The following MEGF11 variants were observed in gnomAD, a reference collection of about 807,000 sequenced individuals.
MEGF11 encodes the protein multiple epidermal growth factor-like domains protein 11.
Under a neutral mutation model 146.6 loss-of-function variants are expected in MEGF11, and 126 were observed. The observed-to-expected ratio is 0.86, with a 90% CI of 0.74 to 1.00. The LOEUF (loss-of-function observed/expected upper bound fraction) is 1.00, where lower values mean the gene tolerates loss of function less well. MEGF11 is among the 50% of genes least tolerant of loss of function. The probability of loss-of-function intolerance (pLI) is 0.00; values close to 1 mark genes in which losing one functional copy is unlikely to be tolerated. For missense variants in MEGF11, 1,509 were observed against 1,521.2 expected (o/e 0.99, Z 0.13); for synonymous variants, 532 against 583.4 (o/e 0.91, Z 1.27).
At chr15:66,160,101 G>A (rs1426166406) in intron 1 of MEGF11, among the ~76,000 whole-genome samples, 1 of 152,164 alleles carries the variant, frequency 6.6e-6, no homozygotes, top group African/African-American at 2.4e-5. Context: ...AGCCCCAAAG[G>A]CTGAGTTAAG....
intron 5 of MEGF11, among the ~76,000 whole-genome samples, chr15:66,084,032 A>C (rs1036650830): frequency 5.9e-5 from 9 of 152,236 alleles, no homozygotes; most frequent in Non-Finnish European, 1.3e-4. Context: ...AACCATAGGG[A>C]TATGCTCTGA....
intron 1 of MEGF11, among the ~76,000 whole-genome samples, chr15:66,206,118 G>T (rs930431070): frequency 5.3e-5 from 8 of 152,092 alleles, no homozygotes; most frequent in Non-Finnish European, 8.8e-5. Context: ...AGGACAAAAT[G>T]GAAAAACATA....
intron 5 of MEGF11, among the ~76,000 whole-genome samples, chr15:66,058,448 G>C (rs962495983): frequency 6.6e-6 from 1 of 152,206 alleles, no homozygotes; most frequent in Non-Finnish European, 1.5e-5. Flanking sequence ...GCCAGGAGCT[G>C]AGGAGGCAGT....
intron 1 of MEGF11, among the ~76,000 whole-genome samples, chr15:66,222,678 G>C (rs1010476933): frequency 2.0e-5 from 3 of 152,158 alleles, no homozygotes; most frequent in African/African-American, 7.2e-5. Context: ...ATGAGCAAAG[G>C]ATCTGAATAG....
chr15:65,946,108 C>A (rs2080181935), intron 10 of MEGF11, among the ~76,000 whole-genome samples: 1 of 152,208 alleles, frequency 6.6e-6, no homozygotes, highest in Admixed American at 6.5e-5. Flanking sequence ...GCTATAGATG[C>A]TTTCAGCGTT....
In MEGF11 at chr15:65,909,113, G is replaced by C. The variant is rs1298390119; in HGVS notation, c.2919C>G (p.Ala973=). The change falls in exon 23 of 26, where the codon GCC becomes GCG. Residue 973 remains alanine (A), a synonymous_variant. Coordinates refer to ENST00000395614, the MANE Select transcript of MEGF11 (RefSeq NM_001385028.1). Reference sequence around the variant, plus strand: ...CCTCGGGCGGGTACCTGGCCTCCAGGGCACTGATCTGGAAATGGGAGTCTA... The same window carrying C: ...CCTCGGGCGGGTACCTGGCCTCCAGCGCACTGATCTGGAAATGGGAGTCTA... ...NVLDSHFQIS[A]LEARYPPEDF... 4.6e-6 allele frequency: 7 copies of C among 1,535,176 alleles called. No individual in the cohort carries two copies. The highest frequency in any genetic ancestry group is 6.1e-6 in the Non-Finnish European group (7 of 1,146,162).
intron 7 of MEGF11, chr15:65,970,966 C>G: frequency 2.1e-6 from 1 of 465,442 alleles, no homozygotes; most frequent in African/African-American, 1.9e-5. Context: ...TTCCTGTCCT[C>G]CTAGTCTACC....
At chr15:66,097,625 C>T (rs974198896) in intron 4 of MEGF11, among the ~76,000 whole-genome samples, 3 of 152,066 alleles carry the variant, frequency 2.0e-5, no homozygotes, top group Non-Finnish European at 2.9e-5. Context: ...GTGATGGGGC[C>T]AGCCACTCAC....
intron 1 of MEGF11, among the ~76,000 whole-genome samples, chr15:66,137,227 A>G (rs186720140): frequency 2.7e-4 from 41 of 152,318 alleles, no homozygotes; most frequent in African/African-American, 9.4e-4. Context: ...GAAGGGATGG[A>G]AGATTTGTGC....
chr15:65,907,807 C>T (rs2078675153), intron 23 of MEGF11, among the ~76,000 whole-genome samples: 1 of 152,252 alleles, frequency 6.6e-6, no homozygotes. Flanking sequence ...TCCAAAACCA[C>T]ACTAGCAAGT....
intron 10 of MEGF11, among the ~76,000 whole-genome samples, chr15:65,936,953 C>T (rs772045518): frequency 1.2e-4 from 18 of 152,310 alleles, no homozygotes; most frequent in Non-Finnish European, 1.5e-4. Flanking sequence ...TGCTTCCATG[C>T]CTCACCCCAT....
chr15:66,075,013 G>A (rs1188972904), intron 5 of MEGF11, among the ~76,000 whole-genome samples: 1 of 152,126 alleles, frequency 6.6e-6, no homozygotes, highest in Non-Finnish European at 1.5e-5. Flanking sequence ...TTGATTTGTA[G>A]GATTAAAAAT....
At position 66,101,580 on chromosome 15, in the gene MEGF11, CT is replaced by C. The variant is rs559644727; in HGVS notation, c.302-7087del. Among the ~76,000 whole-genome samples the C allele has an allele frequency of 8.5e-5, 13 of 152,324 alleles. No homozygotes were observed. In the East Asian group the frequency reaches 2.5e-3, roughly 29 times the overall value. On this transcript the variant is annotated intron_variant, in intron 4 of 25. Transcript: ENST00000395614. Reference sequence around the variant, plus strand: ...TCTACTACTTGTCTGTCTTCCATACCTCCATGAAGGCAAAGAATGGGCTATG... The same window carrying C: ...TCTACTACTTGTCTGTCTTCCATACCCCATGAAGGCAAAGAATGGGCTATG...
chr15:65,919,337 C>T (rs1328985478), intron 15 of MEGF11, among the ~76,000 whole-genome samples: 1 of 152,218 alleles, frequency 6.6e-6, no homozygotes, highest in African/African-American at 2.4e-5. Context: ...ATGTGCTTCA[C>T]AAATACAGGC....
chr15:66,197,612 C>T (rs1020234868), intron 1 of MEGF11, among the ~76,000 whole-genome samples: 1 of 152,028 alleles, frequency 6.6e-6, no homozygotes, highest in African/African-American at 2.4e-5. Flanking sequence ...TTAGTAGATA[C>T]GGGGTTTCAC....
chr15:66,252,923 G>A (rs548256502), intron 1 of MEGF11, among the ~76,000 whole-genome samples: 1 of 152,306 alleles, frequency 6.6e-6, no homozygotes, highest in Non-Finnish European at 1.5e-5. Context: ...TCGCAGTCTA[G>A]GGCAGGAGGA....
chr15:66,052,474 A>C (rs1403943873), intron 5 of MEGF11, among the ~76,000 whole-genome samples: 1 of 152,232 alleles, frequency 6.6e-6, no homozygotes, highest in Non-Finnish European at 1.5e-5. Context: ...CAAATTCACC[A>C]GCCTCAATCC....
In MEGF11 at chr15:66,008,027, T is replaced by G. The variant is rs551569710; in HGVS notation, c.395-25539A>C. Among the ~76,000 whole-genome samples the G allele has an allele frequency of 1.1e-3, 166 of 152,234 alleles. 1 individual carries two copies. Among genetic ancestry groups the G allele is most frequent in the African/African-American group, 3.9e-3 (164 of 41,544 alleles). On this transcript the variant is annotated intron_variant, in intron 5 of 25. Coordinates refer to ENST00000395614, the MANE Select transcript of MEGF11 (RefSeq NM_001385028.1). The stretch of plus-strand genomic sequence containing the variant: ...CTCCTCCTGCCTCTTCCAAGGAGGA[T>G]GTATGGGACAGTGAAGTGTCCACTA...
chr15:66,195,001 T>C (rs1456618925), intron 1 of MEGF11, among the ~76,000 whole-genome samples: 2 of 151,964 alleles, frequency 1.3e-5, no homozygotes, highest in African/African-American at 4.8e-5. Context: ...GGTCTAGTTA[T>C]GTCCATTGTC....
Sources: gnomAD v4.1 joint callset for allele counts (sites outside exome capture counted in the v4.1 genomes callset) on GRCh38, gnomAD v4.1.1 for gene constraint, MANE v1.5 for transcripts, NCBI Gene and HGNC (gene_info 2026-07-23, HGNC 2026-07-21) for gene names.